CRACD: variants seen among roughly 807,000 people sequenced by gnomAD.
The protein encoded by CRACD is capping protein inhibiting regulator of actin dynamics.
A neutral mutation model predicts 106.8 loss-of-function variants in CRACD; 56 were observed. The ratio of observed to expected loss-of-function variants is 0.52; its 90% CI spans 0.42 to 0.66. The LOEUF (loss-of-function observed/expected upper bound fraction) is 0.66. CRACD is among the 30% of genes least tolerant of loss of function. The probability of loss-of-function intolerance (pLI) is 0.00; values close to 1 mark genes in which losing one functional copy is unlikely to be tolerated. For missense variants in CRACD, 1,730 were observed against 1,623.2 expected (o/e 1.07, Z -1.13); for synonymous variants, 754 against 670.8 (o/e 1.12, Z -1.92).
intron 7 of CRACD, 66 bp from the exon 8 acceptor site, chr4:56,313,971 GAAT>G (rs1277412334): frequency 1.3e-6 from 2 of 1,540,912 alleles, no homozygotes; most frequent in Non-Finnish European, 1.7e-6. Flanking sequence ...CTGGCACTGT[GAAT>G]AGGAAAAGGA....
intron 2 of CRACD, among the ~76,000 whole-genome samples, chr4:56,271,063 C>T (rs1230454465): frequency 6.6e-6 from 1 of 150,960 alleles, no homozygotes; most frequent in Non-Finnish European, 1.5e-5. Context: ...CAAGATCGTG[C>T]CATTGCACTC....
Position 56,315,641 on chromosome 4 carries a change from G to A in CRACD, c.2139G>A (p.Pro713=). The A allele has an allele frequency of 6.2e-7, 1 of 1,614,192 alleles. No homozygotes were observed. ...CDSRGNQRKT[P]PVNAKFSIMP... ...CCCGCGGGAACCAACGGAAGACTCC[G>A]CCAGTCAATGCAAAGTTCTCTATTA... The change falls in exon 8 of 11, where the codon CCG becomes CCA. Residue 713 remains proline (P), a synonymous_variant. Coordinates refer to ENST00000682029, the MANE Select transcript of CRACD (RefSeq NM_001393381.1). This position sits in a 1 kb window ranked among gnomAD's most constrained non-coding sequence, Gnocchi z 4.1.
intron 2 of CRACD, among the ~76,000 whole-genome samples, chr4:56,267,960 A>C (rs1023789945): frequency 6.6e-6 from 1 of 152,080 alleles, no homozygotes; most frequent in Admixed American, 6.5e-5. Context: ...AAATGATGGC[A>C]CCCTCTCCCA....
At chr4:56,080,059 G>A (rs940282232) in intron 1 of CRACD, among the ~76,000 whole-genome samples, 5 of 152,142 alleles carry the variant, frequency 3.3e-5, no homozygotes, top group East Asian at 1.9e-4. Flanking sequence ...AAGAAATGGC[G>A]GTGGCATGTG....
At chr4:56,174,425 C>A (rs1397527984) in intron 1 of CRACD, among the ~76,000 whole-genome samples, 1 of 152,188 alleles carries the variant, frequency 6.6e-6, no homozygotes, top group African/African-American at 2.4e-5. Context: ...TTAATCAACT[C>A]CTCGTCATCC....
chr4:56,122,384 A>C (rs1408756927), intron 1 of CRACD, among the ~76,000 whole-genome samples: 1 of 152,152 alleles, frequency 6.6e-6, no homozygotes, highest in East Asian at 1.9e-4. Flanking sequence ...GGGAAAAAGA[A>C]GCAAAAAATT....
At chr4:56,096,618 T>G (rs1733607256) in intron 1 of CRACD, among the ~76,000 whole-genome samples, 1 of 149,820 alleles carries the variant, frequency 6.7e-6, no homozygotes, top group African/African-American at 2.5e-5. Context: ...GTCAACAGAG[T>G]GAGACCTTGT....
At position 56,328,792 on chromosome 4, in the gene CRACD, T is replaced by G. The variant is rs1451505481; in HGVS notation, c.*988T>G. Among the ~76,000 whole-genome samples, 7 of 152,158 alleles carry G rather than the reference T, an allele frequency of 4.6e-5. No individual in the cohort carries two copies. Among genetic ancestry groups the G allele is most frequent in the Admixed American group, 4.6e-4 (7 of 15,266 alleles). On this transcript the variant is annotated 3_prime_UTR_variant, in exon 11 of 11. Transcript: ENST00000682029. ...TTCAGACTTCGAAGGGGAGGCTCAT[T>G]CACTCAAAAAGCAACAGTGAGACAG...
At chr4:56,231,485 T>C (rs548409441) in intron 2 of CRACD, among the ~76,000 whole-genome samples, 3 of 152,338 alleles carry the variant, frequency 2.0e-5, no homozygotes, top group African/African-American at 7.2e-5. Flanking sequence ...GCTCCACTCC[T>C]GTGAATACTC....
intron 8 of CRACD, among the ~76,000 whole-genome samples, chr4:56,320,047 C>T (rs1046600903): frequency 1.3e-5 from 2 of 152,052 alleles, no homozygotes; most frequent in Admixed American, 6.6e-5. Flanking sequence ...GTGGTGGGCA[C>T]CTGTAATCCC....
chr4:56,234,716 G>A (rs1484887295), intron 2 of CRACD, among the ~76,000 whole-genome samples: 1 of 152,160 alleles, frequency 6.6e-6, no homozygotes, highest in Non-Finnish European at 1.5e-5. Context: ...TAGGACAAAG[G>A]TAACCACAAG....
At chr4:56,213,238 G>C (rs1027140970) in intron 2 of CRACD, among the ~76,000 whole-genome samples, 4 of 152,066 alleles carry the variant, frequency 2.6e-5, no homozygotes, top group Non-Finnish European at 5.9e-5. Flanking sequence ...CCTGAGGTTG[G>C]GAGTTCAAGA....
intron 1 of CRACD, among the ~76,000 whole-genome samples, chr4:56,057,789 C>A (rs1366469335): frequency 1.5e-4 from 18 of 120,058 alleles, no homozygotes; most frequent in South Asian, 6.1e-4. Context: ...ACACCTGGCT[C>A]ATTTTTTGTA....
chr4:56,058,755 A>G (rs984511257), intron 1 of CRACD, among the ~76,000 whole-genome samples: 1 of 152,190 alleles, frequency 6.6e-6, no homozygotes, highest in Non-Finnish European at 1.5e-5. Flanking sequence ...AGCATCTTAA[A>G]GATGTTTACT....
chr4:56,207,223 C>G (rs912048947), intron 2 of CRACD, among the ~76,000 whole-genome samples: 4 of 152,214 alleles, frequency 2.6e-5, no homozygotes, highest in Non-Finnish European at 5.9e-5. Context: ...GTACAGACAC[C>G]TCTGTTTAGC....
At position 56,330,114 on chromosome 4, in the gene CRACD, A is replaced by G. The variant is rs894061268; in HGVS notation, c.*2310A>G. Among the ~76,000 whole-genome samples, 4 of 152,046 alleles carry G rather than the reference A, an allele frequency of 2.6e-5. No homozygotes were observed. Among genetic ancestry groups the G allele is most frequent in the African/African-American group, 9.7e-5 (4 of 41,416 alleles). ...TTAGTAGTCTTCTGAGCAACAAACT[A>G]TGGGGAATTCTGTAAAAACATATAA... On this transcript the variant is annotated 3_prime_UTR_variant, in exon 11 of 11. Transcript: ENST00000682029.
intron 1 of CRACD, among the ~76,000 whole-genome samples, chr4:56,074,964 T>A (rs187942306): frequency 6.6e-5 from 10 of 152,326 alleles, no homozygotes; most frequent in Admixed American, 5.2e-4. Flanking sequence ...TTGTGATTGG[T>A]TCTGTTTATG....
intron 2 of CRACD, among the ~76,000 whole-genome samples, chr4:56,252,259 C>T (rs556711646): frequency 6.6e-6 from 1 of 152,292 alleles, no homozygotes; most frequent in African/African-American, 2.4e-5. Context: ...AGTTCACTCC[C>T]ACTACACACA....
chr4:56,232,739 T>TA (rs1560494531), intron 2 of CRACD, among the ~76,000 whole-genome samples: 8 of 150,462 alleles, frequency 5.3e-5, no homozygotes, highest in South Asian at 2.1e-4. Context: ...TTTATTTATT[T>TA]TTTGAGATGG....
Sources: allele counts gnomAD v4.1 joint callset (sites outside exome capture counted in the v4.1 genomes callset), GRCh38; gene constraint gnomAD v4.1.1; non-coding constraint Gnocchi (gnomAD v3.1); transcripts MANE v1.5; gene names NCBI Gene and HGNC (gene_info 2026-07-23, HGNC 2026-07-21).